The following KAT2B variants were observed in gnomAD, a reference collection of about 807,000 sequenced individuals.
KAT2B encodes lysine acetyltransferase 2B, also known as histone acetyltransferase KAT2B.
A neutral mutation model predicts 105.9 loss-of-function variants in KAT2B; 36 were observed. The ratio of observed to expected loss-of-function variants is 0.34; its 90% CI spans 0.26 to 0.45. The LOEUF is 0.45. KAT2B is among the 20% of genes least tolerant of loss of function. The pLI is 1.00. For missense variants in KAT2B, 820 were observed against 1,021.6 expected (o/e 0.80, Z 2.69); for synonymous variants, 397 against 377.9 (o/e 1.05, Z -0.59).
Position 20,099,908 on chromosome 3 carries a change from G to T in KAT2B, c.623G>T (p.Gly208Val). ...ILQRGKPVVE[G>V]SLEKKPPFEK... ...CAAAGAGGAAAACCTGTGGTTGAAGGCTCTTTGGAAAAGAAACCCCCATTT... is the reference window on the plus strand; with the variant it reads ...CAAAGAGGAAAACCTGTGGTTGAAGTCTCTTTGGAAAAGAAACCCCCATTT... The change falls in exon 4 of 18, where the codon GGC becomes GTC. Residue 208 changes from glycine to valine, a missense_variant. Coordinates refer to ENST00000263754, the MANE Select transcript of KAT2B (RefSeq NM_003884.5). The T allele has an allele frequency of 6.2e-7, 1 of 1,609,306 alleles. No homozygotes were observed.
chr3:20,089,360 A>G (rs1339045834), intron 2 of KAT2B, among the ~76,000 whole-genome samples: 2 of 148,412 alleles, frequency 1.3e-5, no homozygotes, highest in Non-Finnish European at 3.0e-5. Flanking sequence ...CAATCTGTGA[A>G]CATAAAAGAT....
chr3:20,148,142 G>C, intron 15 of KAT2B, 101 bp from the exon 16 acceptor site: 1 of 1,359,362 alleles, frequency 7.4e-7, no homozygotes, highest in Non-Finnish European at 1.0e-6. Context: ...TTCTGGAATG[G>C]TTCCAATTTC....
intron 1 of KAT2B, among the ~76,000 whole-genome samples, chr3:20,067,076 T>C (rs1470151873): frequency 1.3e-5 from 2 of 152,180 alleles, no homozygotes; most frequent in East Asian, 1.9e-4. Flanking sequence ...TCTCCCTCTC[T>C]TCATTCCTCT....
intron 1 of KAT2B, among the ~76,000 whole-genome samples, chr3:20,063,672 A>C (rs1698177343): frequency 6.7e-6 from 1 of 149,050 alleles, no homozygotes; most frequent in African/African-American, 2.5e-5. Flanking sequence ...CCTCCCAAGT[A>C]GCTGGGATTA....
At chr3:20,101,906 A>G (rs1458126451) in intron 5 of KAT2B, among the ~76,000 whole-genome samples, 1 of 152,244 alleles carries the variant, frequency 6.6e-6, no homozygotes, top group Non-Finnish European at 1.5e-5. Context: ...TTTAAAATCC[A>G]TATGTGGCTT....
chr3:20,042,723 C>G (rs1250790452), intron 1 of KAT2B, among the ~76,000 whole-genome samples: 1 of 152,142 alleles, frequency 6.6e-6, no homozygotes, highest in Non-Finnish European at 1.5e-5. Flanking sequence ...GCTTTAATAT[C>G]TGAAAACTTT....
At chr3:20,042,292 G>A (rs1277244406) in intron 1 of KAT2B, among the ~76,000 whole-genome samples, 1 of 152,190 alleles carries the variant, frequency 6.6e-6, no homozygotes, top group African/African-American at 2.4e-5. Flanking sequence ...TTCTGAAGAA[G>A]GAATGCAAAA....
In KAT2B at chr3:20,090,255, G is replaced by T. The variant is rs75782282; in HGVS notation, c.431-5008G>T. 8.9e-3 allele frequency among the ~76,000 whole-genome samples: 1,354 copies of T among 152,276 alleles called. 16 individuals are homozygous for T. Among genetic ancestry groups the T allele is most frequent in the African/African-American group, 0.025 (1,025 of 41,562 alleles). On this transcript the variant is annotated intron_variant, in intron 2 of 17. Transcript: ENST00000263754. The stretch of plus-strand genomic sequence containing the variant: ...ACTACGTTGAAAAGAAGTGGCAAGG[G>T]TGGGTATATTTTTCTTGTTCTTAAT...
chr3:20,142,551 G>A (rs995237191), intron 13 of KAT2B, among the ~76,000 whole-genome samples: 1 of 151,832 alleles, frequency 6.6e-6, no homozygotes, highest in Admixed American at 6.6e-5. Context: ...AGCAGAATAA[G>A]TTGTAGTTGT....
intron 1 of KAT2B, among the ~76,000 whole-genome samples, chr3:20,049,069 C>T (rs1424220789): frequency 6.7e-6 from 1 of 149,344 alleles, no homozygotes; most frequent in African/African-American, 2.4e-5. Context: ...ACCATGTTGC[C>T]CAAGATGGTC....
chr3:20,072,423 C>G lies in KAT2B; in HGVS notation c.394C>G (p.Leu132Val), dbSNP rs1429455247. Residue 132 changes from leucine (L) to valine (V), a missense_variant, in exon 2 of 18, where the codon CTA becomes GTA. By Grantham distance (32) the Leu-to-Val change is conservative. Transcript: ENST00000263754. Reference protein sequence around the residue: ...RADLQQIIVSLTESCRSCSHA... With the variant: ...RADLQQIIVSVTESCRSCSHA... ...CGACCTGCAGCAAATAATTGTCAGT[C>G]TAACAGAATCCTGTCGGAGTTGTAG... is the stretch of plus-strand genomic sequence containing the variant. 6.2e-7 allele frequency: 1 copy of G among 1,613,892 alleles called. No individual in the cohort carries two copies. The highest frequency in any genetic ancestry group is 2.2e-5 in the East Asian group (1 of 44,894).
At chr3:20,132,028 A>T (rs1699519178) in intron 11 of KAT2B, among the ~76,000 whole-genome samples, 1 of 152,214 alleles carries the variant, frequency 6.6e-6, no homozygotes, top group Non-Finnish European at 1.5e-5. Context: ...ACAAGATAAC[A>T]TATGAGAATT....
intron 2 of KAT2B, among the ~76,000 whole-genome samples, chr3:20,081,878 C>CATATATATATACATATAT: frequency 7.1e-6 from 1 of 140,540 alleles, no homozygotes; most frequent in South Asian, 2.3e-4. Flanking sequence ...GTCATTGGCT[C>CATATATATATACATATAT]ATATATATAT....
chr3:20,149,324 CTG>C (rs1176307077), intron 17 of KAT2B, among the ~76,000 whole-genome samples: 1 of 151,304 alleles, frequency 6.6e-6, no homozygotes, highest in Non-Finnish European at 1.5e-5. Context: ...TAGTGAGACC[CTG>C]TCTCTACAAA....
chr3:20,102,124 T>C (rs1698921382), intron 5 of KAT2B, among the ~76,000 whole-genome samples: 1 of 152,140 alleles, frequency 6.6e-6, no homozygotes, highest in Non-Finnish European at 1.5e-5. Flanking sequence ...AAGACCAGCC[T>C]GGCCAATATG....
intron 5 of KAT2B, among the ~76,000 whole-genome samples, chr3:20,105,251 A>G (rs1432069540): frequency 6.6e-6 from 1 of 152,204 alleles, no homozygotes; most frequent in African/African-American, 2.4e-5. Flanking sequence ...AATTGTGGTT[A>G]TAGAAAAAAA....
intron 2 of KAT2B, among the ~76,000 whole-genome samples, chr3:20,082,695 G>A (rs185227086): frequency 6.6e-6 from 1 of 152,184 alleles, no homozygotes; most frequent in Admixed American, 6.5e-5. Context: ...ACCTTTGCAA[G>A]CAAAACCTTA....
chr3:20,069,882 C>T (rs9824469), intron 1 of KAT2B, among the ~76,000 whole-genome samples: 4,273 of 152,260 alleles, frequency 0.028, 175 homozygotes, highest in African/African-American at 0.097. Flanking sequence ...TTGTATATTT[C>T]GGTTTGCCAT....
intron 3 of KAT2B, among the ~76,000 whole-genome samples, chr3:20,098,426 C>A (rs1452805793): frequency 3.3e-5 from 5 of 152,096 alleles, no homozygotes; most frequent in Admixed American, 3.3e-4. Context: ...GTAGCACCTA[C>A]CTCAAAAGGT....
Sources: allele counts gnomAD v4.1 joint callset (sites outside exome capture counted in the v4.1 genomes callset), GRCh38; gene constraint gnomAD v4.1.1; transcripts MANE v1.5; gene names NCBI Gene and HGNC (gene_info 2026-07-23, HGNC 2026-07-21).